Variants in EVA1C observed in about 807,000 individuals in gnomAD.
EVA1C encodes the protein protein eva-1 homolog C.
EVA1C carries 25 observed loss-of-function variants against 45.4 expected under a neutral mutation model. The observed-to-expected ratio is 0.55, with a 90% CI of 0.40 to 0.77. The LOEUF is 0.77. Among genes scored for constraint, EVA1C ranks in the 30% least tolerant of loss-of-function variants. EVA1C has a pLI of 0.00. For synonymous variants in EVA1C, 190 were observed against 221.2 expected, an observed-to-expected ratio of 0.86 and a Z score of 1.25; for missense variants, 479 against 554.8, an observed-to-expected ratio of 0.86 and a Z score of 1.37.
intron 1 of EVA1C, among the ~76,000 whole-genome samples, chr21:32,427,546 C>G (rs2034537000): frequency 6.6e-6 from 1 of 152,112 alleles, no homozygotes; most frequent in Non-Finnish European, 1.5e-5. Context: ...AACCCCATCT[C>G]TACTAAAAAT....
intron 1 of EVA1C, among the ~76,000 whole-genome samples, chr21:32,447,556 C>A (rs1441572658): frequency 6.6e-6 from 1 of 150,632 alleles, no homozygotes; most frequent in African/African-American, 2.4e-5. Flanking sequence ...ATAACTTAAT[C>A]ACATCTGCCA....
intron 1 of EVA1C, among the ~76,000 whole-genome samples, chr21:32,434,636 TTATA>T (rs200296987): frequency 1.5e-5 from 2 of 134,612 alleles, no homozygotes; most frequent in African/African-American, 5.4e-5. Flanking sequence ...AAATAAAATT[TTATA>T]TATATATAGA....
chr21:32,493,985 A>G (rs1206231177), intron 4 of EVA1C, among the ~76,000 whole-genome samples: 2 of 151,912 alleles, frequency 1.3e-5, no homozygotes, highest in Non-Finnish European at 2.9e-5. Flanking sequence ...TTTTTAGTAG[A>G]GATGGGGTTT....
chr21:32,462,452 G>A (rs1352378454), intron 3 of EVA1C, among the ~76,000 whole-genome samples: 13 of 152,216 alleles, frequency 8.5e-5, no homozygotes, highest in Admixed American at 2.6e-4. Context: ...GCATCACTAT[G>A]CACTGGCAAT....
At chr21:32,440,593 T>C (rs1348794690) in intron 1 of EVA1C, among the ~76,000 whole-genome samples, 3 of 152,046 alleles carry the variant, frequency 2.0e-5, no homozygotes, top group Non-Finnish European at 4.4e-5. Flanking sequence ...CTTTTTAAAA[T>C]TGGTTGACAG....
chr21:32,437,841 T>G (rs570831114), intron 1 of EVA1C, among the ~76,000 whole-genome samples: 7 of 152,204 alleles, frequency 4.6e-5, no homozygotes, highest in African/African-American at 1.7e-4. Flanking sequence ...GCCAGGGCCA[T>G]AGTGGGTCTT....
In EVA1C at chr21:32,419,452, C is replaced by T. The variant is rs182960897; in HGVS notation, c.160+6439C>T. ...ACTGATGGCCGGGCACTGTGGCTCA[C>T]GCCTGTAATCCCAACACTTTGGGAG... On this transcript the variant is annotated intron_variant, in intron 1 of 7. Transcript: ENST00000300255. Among the ~76,000 whole-genome samples, 509 of 152,322 alleles carry T rather than the reference C, an allele frequency of 3.3e-3. 3 individuals carry two copies. The highest frequency in any genetic ancestry group is 5.7e-3 in the Non-Finnish European group (388 of 68,030).
intron 1 of EVA1C, among the ~76,000 whole-genome samples, chr21:32,431,588 G>A (rs1479097903): frequency 6.6e-6 from 1 of 152,110 alleles, no homozygotes; most frequent in Non-Finnish European, 1.5e-5. Flanking sequence ...CTATTACATC[G>A]CCAAGGTTGA....
chr21:32,416,324 T>C (rs2034042855), intron 1 of EVA1C, among the ~76,000 whole-genome samples: 2 of 135,402 alleles, frequency 1.5e-5, no homozygotes, highest in East Asian at 5.3e-4. Context: ...TCTTTTTCTT[T>C]TTTTTTTTTT....
chr21:32,413,995 T>G lies in EVA1C; in HGVS notation c.160+982T>G, dbSNP rs985841521. ...AGAGTCTTTTGCAACATAATGGTGG[T>G]AAAGGGAGTCCTCCTCAGTCCTGTT... On this transcript the variant is annotated intron_variant, in intron 1 of 7. Transcript: ENST00000300255. Among the ~76,000 whole-genome samples the G allele has an allele frequency of 1.3e-5, 2 of 152,164 alleles. 1 individual carries two copies. Among genetic ancestry groups the G allele is most frequent in the Non-Finnish European group, 2.9e-5 (2 of 68,026 alleles).
rs115371836 is a variant in EVA1C at position 32,451,761 on chromosome 21, A to G, written c.161-1551A>G. ...TTCAGGTGCATCATTCCAGCTGCAG[A>G]TGGCTGTCTTCCCTCTGTGTCTCTT... On this transcript the variant is annotated intron_variant, in intron 1 of 7. Transcript: ENST00000300255. Among the ~76,000 whole-genome samples the G allele has an allele frequency of 1.3e-3, 204 of 152,280 alleles. 1 individual carries two copies. The highest frequency in any genetic ancestry group is 4.7e-3 in the African/African-American group (195 of 41,538).
chr21:32,440,349 T>C (rs745923338), intron 1 of EVA1C, among the ~76,000 whole-genome samples: 15 of 152,212 alleles, frequency 9.9e-5, no homozygotes, highest in Non-Finnish European at 2.9e-5. Flanking sequence ...GTTTAGTTGC[T>C]TGGGGTAAAG....
intron 4 of EVA1C, among the ~76,000 whole-genome samples, chr21:32,493,449 G>A (rs886865468): frequency 7.2e-5 from 11 of 151,906 alleles, no homozygotes; most frequent in African/African-American, 1.7e-4. Flanking sequence ...CGCTGTGGTC[G>A]CCCCGCCTAC....
chr21:32,443,838 G>A (rs1338941209), intron 1 of EVA1C, among the ~76,000 whole-genome samples: 1 of 152,158 alleles, frequency 6.6e-6, no homozygotes, highest in Non-Finnish European at 1.5e-5. Context: ...CTTCCCAAGA[G>A]TTGGATCTGT....
At chr21:32,448,148 C>T (rs2035434255) in intron 1 of EVA1C, among the ~76,000 whole-genome samples, 1 of 152,114 alleles carries the variant, frequency 6.6e-6, no homozygotes, top group Non-Finnish European at 1.5e-5. Flanking sequence ...CCTTTTGGCA[C>T]TGTGGACCAA....
At chr21:32,467,587 C>T in intron 3 of EVA1C, 109 bp from the exon 4 acceptor site, 1 of 1,114,750 alleles carries the variant, frequency 9.0e-7, no homozygotes. Context: ...CCCCACTGCC[C>T]CCTTCTCAGG....
chr21:32,469,489 T>C (rs796530770), intron 4 of EVA1C, among the ~76,000 whole-genome samples: 28 of 152,298 alleles, frequency 1.8e-4, no homozygotes, highest in African/African-American at 5.5e-4. Context: ...GTCATTCTTC[T>C]TAGAGGTGAT....
At chr21:32,465,639 A>G (rs2036145439) in intron 3 of EVA1C, among the ~76,000 whole-genome samples, 1 of 152,122 alleles carries the variant, frequency 6.6e-6, no homozygotes, top group African/African-American at 2.4e-5. Context: ...CTGGGATTAC[A>G]GGCACCCAAC....
intron 4 of EVA1C, among the ~76,000 whole-genome samples, chr21:32,478,158 C>T (rs893607646): frequency 6.0e-5 from 9 of 151,086 alleles, no homozygotes; most frequent in South Asian, 2.1e-4. Context: ...TCCTAACTCC[C>T]GGTACCTCAG....
Sources: gnomAD v4.1 joint callset for allele counts (sites outside exome capture counted in the v4.1 genomes callset) on GRCh38, gnomAD v4.1.1 for gene constraint, MANE v1.5 for transcripts, NCBI Gene and HGNC (gene_info 2026-07-23, HGNC 2026-07-21) for gene names.